The following NCKAP1 variants were observed in gnomAD, a reference collection of about 807,000 sequenced individuals.
NCKAP1 encodes nck-associated protein 1.
A neutral mutation model predicts 151.2 loss-of-function variants in NCKAP1; 21 were observed. That is an observed-to-expected ratio of 0.14 (90% confidence interval 0.10 to 0.20). The LOEUF is 0.20. NCKAP1 is among the 10% of genes least tolerant of loss of function. The probability of loss-of-function intolerance (pLI) is 1.00; values close to 1 mark genes in which losing one functional copy is unlikely to be tolerated. For missense variants in NCKAP1, 933 were observed against 1,352.1 expected (o/e 0.69, Z 4.86); for synonymous variants, 484 against 451.8 (o/e 1.07, Z -0.90).
At position 183,033,640 on chromosome 2, in the gene NCKAP1, G is replaced by C. The variant is rs576573679; in HGVS notation, c.108+4352C>G. 2.0e-4 allele frequency among the ~76,000 whole-genome samples: 31 copies of C among 152,342 alleles called. 1 individual carries two copies. The highest frequency in any genetic ancestry group is 7.2e-4 in the African/African-American group (30 of 41,582). ...AAAGGGAAAACCTCAATATTTGAGA[G>C]TAACTGAAAGAATAGCTCATATGAT... On this transcript the variant is annotated intron_variant, in intron 1 of 30. Coordinates refer to ENST00000361354, the MANE Select transcript of NCKAP1 (RefSeq NM_013436.5).
intron 7 of NCKAP1, 136 bp downstream of exon 7, chr2:182,995,565 A>C (rs1164264338): frequency 5.2e-6 from 4 of 766,446 alleles, no homozygotes; most frequent in East Asian, 5.4e-5. Context: ...AATATGACTT[A>C]AGTAGTGAAC....
chr2:182,982,706 G>T, intron 12 of NCKAP1, 115 bp downstream of exon 12: 1 of 675,648 alleles, frequency 1.5e-6, no homozygotes, highest in Non-Finnish European at 2.4e-6. Context: ...TGTACTAAAT[G>T]AATTTCAACT....
chr2:182,952,772 C>G (rs766122278), intron 22 of NCKAP1, 21 bp downstream of exon 22: 2 of 1,560,080 alleles, frequency 1.3e-6, no homozygotes, highest in Admixed American at 4.1e-5. Context: ...ATTCTCTAAA[C>G]TGTGGTATAG....
chr2:182,967,053 C>A (rs1174975282), intron 16 of NCKAP1, among the ~76,000 whole-genome samples, 163 bp downstream of exon 16: 1 of 152,226 alleles, frequency 6.6e-6, no homozygotes. Flanking sequence ...CTTGGTTAAA[C>A]TTCTTTTTGT....
intron 15 of NCKAP1, among the ~76,000 whole-genome samples, chr2:182,968,407 T>TG (rs1697620245): frequency 6.6e-6 from 1 of 152,224 alleles, no homozygotes; most frequent in Non-Finnish European, 1.5e-5. Context: ...GAGATACTCC[T>TG]GCATGGGTCT....
In NCKAP1 at chr2:182,978,869, A is replaced by G. The variant is rs773630778; in HGVS notation, c.1388T>C (p.Phe463Ser). ...PEDESIIMSS[F>S]VNTMTSLSVK... ...ACTTAGGGAAGTCATAGTGTTAACA[A>G]AAGAGGACATGATGATTGATTCATC... The change falls in exon 14 of 31, where the codon TTT becomes TCT. Residue 463 changes from phenylalanine (F) to serine (S), a missense_variant. Physicochemically the swap from Phe to Ser is radical, Grantham distance 155 (BLOSUM62 -2). Transcript: ENST00000361354. 1.9e-6 allele frequency: 3 copies of G among 1,608,782 alleles called. No individual in the cohort carries two copies. Among genetic ancestry groups the G allele is most frequent in the Non-Finnish European group, 2.6e-6 (3 of 1,176,218 alleles).
At chr2:183,009,674 G>A (rs77857597) in intron 2 of NCKAP1, among the ~76,000 whole-genome samples, 4 of 152,010 alleles carry the variant, frequency 2.6e-5, no homozygotes, top group African/African-American at 7.3e-5. Flanking sequence ...AAAGTGTGCC[G>A]TTCAGTGACT....
At chr2:183,004,488 CAAAAAAAA>C (rs34055584) in intron 2 of NCKAP1, among the ~76,000 whole-genome samples, 1 of 78,822 alleles carries the variant, frequency 1.3e-5, no homozygotes, top group Non-Finnish European at 2.8e-5. Flanking sequence ...AAACAGCAAG[CAAAAAAAA>C]AAAAAAAAAA....
intron 29 of NCKAP1, 105 bp from the exon 30 acceptor site, chr2:182,927,010 TA>T (rs1337848927): frequency 1.4e-6 from 1 of 709,588 alleles, no homozygotes; most frequent in Non-Finnish European, 2.4e-6. Flanking sequence ...CATTCAGTGC[TA>T]AATATAAAAT....
chr2:182,952,532 T>C (rs757529921), intron 22 of NCKAP1, 30 bp from the exon 23 acceptor site: 1 of 1,457,418 alleles, frequency 6.9e-7, no homozygotes, highest in South Asian at 1.2e-5. Flanking sequence ...ATTTTATACT[T>C]CCGACAGAGC....
intron 15 of NCKAP1, among the ~76,000 whole-genome samples, chr2:182,973,311 C>G (rs1480741622): frequency 1.3e-5 from 2 of 151,576 alleles, no homozygotes; most frequent in Non-Finnish European, 2.9e-5. Flanking sequence ...AAACATGTTA[C>G]TAAAAAAGAA....
At chr2:183,029,531 CA>C (rs796286445) in intron 1 of NCKAP1, among the ~76,000 whole-genome samples, 31 of 145,572 alleles carry the variant, frequency 2.1e-4, no homozygotes, top group East Asian at 6.0e-4. Context: ...ATCAAGACAC[CA>C]AAAAAAAAAG....
At chr2:183,002,641 G>C (rs1197461406) in intron 4 of NCKAP1, among the ~76,000 whole-genome samples, 1 of 150,376 alleles carries the variant, frequency 6.6e-6, no homozygotes. Flanking sequence ...TTGACTTCTT[G>C]TATCTAAAAA....
At chr2:182,991,476 T>G (rs1698169876) in intron 8 of NCKAP1, among the ~76,000 whole-genome samples, 1 of 152,000 alleles carries the variant, frequency 6.6e-6, no homozygotes, top group Non-Finnish European at 1.5e-5. Flanking sequence ...GGAGAAACGC[T>G]TGAACTTGGG....
At chr2:182,927,820 T>C (rs936264422) in intron 29 of NCKAP1, among the ~76,000 whole-genome samples, 1 of 151,982 alleles carries the variant, frequency 6.6e-6, no homozygotes, top group Non-Finnish European at 1.5e-5. Context: ...AAAAAGGTCA[T>C]ATTGCAGAGC....
intron 8 of NCKAP1, among the ~76,000 whole-genome samples, chr2:182,989,955 A>G (rs1400275608): frequency 6.6e-6 from 1 of 151,612 alleles, no homozygotes; most frequent in Non-Finnish European, 1.5e-5. Context: ...ATGCCACTGC[A>G]CTCCGGCCTG....
rs554449784 is a variant in NCKAP1 at position 182,989,015 on chromosome 2, A to G, written c.947+15T>C. On this transcript the variant is annotated intron_variant, in intron 9 of 30. Coordinates refer to ENST00000361354, the MANE Select transcript of NCKAP1 (RefSeq NM_013436.5). The stretch of plus-strand genomic sequence containing the variant: ...CCCTTCTCCAAAAAAGACAAAATAA[A>G]TGAAAATGCCATACCCTCGTATGTT... 1.9e-6 allele frequency: 3 copies of G among 1,597,450 alleles called. No individual in the cohort carries two copies. Among genetic ancestry groups the G allele is most frequent in the East Asian group, 2.2e-5 (1 of 44,786 alleles).
At chr2:182,949,901 G>A (rs1199826037) in intron 23 of NCKAP1, among the ~76,000 whole-genome samples, 3 of 152,202 alleles carry the variant, frequency 2.0e-5, no homozygotes, top group Non-Finnish European at 4.4e-5. Flanking sequence ...ACAGAGTTTA[G>A]AACTGCATTT....
At chr2:183,022,480 T>C (rs1281603752) in intron 2 of NCKAP1, among the ~76,000 whole-genome samples, 6 of 152,198 alleles carry the variant, frequency 3.9e-5, no homozygotes, top group Non-Finnish European at 5.9e-5. Context: ...TTTAATATAT[T>C]GATATATTAT....
Sources: allele counts gnomAD v4.1 joint callset (sites outside exome capture counted in the v4.1 genomes callset), GRCh38; gene constraint gnomAD v4.1.1; transcripts MANE v1.5; gene names NCBI Gene and HGNC (gene_info 2026-07-23, HGNC 2026-07-21).